Variants in RSBN1 observed in about 807,000 individuals in gnomAD.
RSBN1 encodes round spermatid basic protein 1.
A neutral mutation model predicts 74.8 loss-of-function variants in RSBN1; 23 were observed. The ratio of observed to expected loss-of-function variants is 0.31; its 90% CI spans 0.22 to 0.44. The LOEUF (loss-of-function observed/expected upper bound fraction) is 0.44, where lower values mean the gene tolerates loss of function less well. RSBN1 is among the 20% of genes least tolerant of loss of function. The probability of loss-of-function intolerance (pLI) is 1.00; values close to 1 mark genes in which losing one functional copy is unlikely to be tolerated. For synonymous variants in RSBN1, 407 were observed against 379.6 expected (o/e 1.07, Z -0.84); for missense variants, 808 against 1,020.9 (o/e 0.79, Z 2.84).
intron 4 of RSBN1, among the ~76,000 whole-genome samples, 164 bp from the exon 5 acceptor site, chr1:113,768,553 CTATAT>C (rs1659829639): frequency 6.6e-6 from 1 of 152,072 alleles, no homozygotes; most frequent in African/African-American, 2.4e-5. Context: ...ATTTAACACA[CTATAT>C]TATAATGCTT....
At chr1:113,769,435 T>C (rs761569877) in intron 4 of RSBN1, among the ~76,000 whole-genome samples, 5 of 151,990 alleles carry the variant, frequency 3.3e-5, no homozygotes, top group Non-Finnish European at 5.9e-5. Context: ...AAACCAATAA[T>C]AGGGGAAGTG....
Position 113,811,945 on chromosome 1 carries a change from G to A in RSBN1, c.468C>T (p.Pro156=), listed in dbSNP as rs1326014111. ...GGGCCGGGAGAGGGGCAGCGACAGC[G>A]GGCCCGGCGGGTGCCAGCGAAGGTG... The part of the protein sequence containing the change: ...PPPPSLAPAG[P]AVAAPLPAPS... The change falls in exon 1 of 7, where the codon CCC becomes CCT. Residue 156 remains proline, a synonymous_variant. Coordinates refer to ENST00000261441, the MANE Select transcript of RSBN1 (RefSeq NM_018364.5). 4 of 1,591,818 alleles carry A rather than the reference G, an allele frequency of 2.5e-6. No homozygotes were observed. Among genetic ancestry groups the A allele is most frequent in the Non-Finnish European group, 3.4e-6 (4 of 1,168,570 alleles).
intron 1 of RSBN1, among the ~76,000 whole-genome samples, chr1:113,804,200 C>T (rs1199633910): frequency 6.6e-6 from 1 of 152,010 alleles, no homozygotes; most frequent in Non-Finnish European, 1.5e-5. Flanking sequence ...ACTATAAGGC[C>T]CTCATCACAA....
At chr1:113,769,277 T>C (rs1659843065) in intron 4 of RSBN1, among the ~76,000 whole-genome samples, 1 of 152,210 alleles carries the variant, frequency 6.6e-6, no homozygotes, top group Admixed American at 6.5e-5. Context: ...TTAAACTTTC[T>C]CTGTTGCAGT....
At chr1:113,800,801 A>G (rs1660568648) in intron 1 of RSBN1, among the ~76,000 whole-genome samples, 1 of 152,062 alleles carries the variant, frequency 6.6e-6, no homozygotes, top group Non-Finnish European at 1.5e-5. Context: ...ATTCACTTAT[A>G]TGAAAACCAT....
At chr1:113,777,103 T>C (rs1660048201) in intron 4 of RSBN1, 107 bp downstream of exon 4, 1 of 984,224 alleles carries the variant, frequency 1.0e-6, no homozygotes, top group Non-Finnish European at 1.5e-6. Flanking sequence ...AACTAAAACA[T>C]TTACTTAAGG....
At chr1:113,776,912 A>G (rs1479606687) in intron 4 of RSBN1, among the ~76,000 whole-genome samples, 2 of 152,152 alleles carry the variant, frequency 1.3e-5, no homozygotes, top group Admixed American at 1.3e-4. Context: ...AAACACAGAT[A>G]CATCTAGAAG....
intron 1 of RSBN1, among the ~76,000 whole-genome samples, chr1:113,802,845 A>C (rs1660612862): frequency 6.6e-6 from 1 of 152,142 alleles, no homozygotes; most frequent in Non-Finnish European, 1.5e-5. Flanking sequence ...ACATTGATGC[A>C]TCATTATTCG....
intron 2 of RSBN1, among the ~76,000 whole-genome samples, chr1:113,790,390 A>T (rs146958949): frequency 0.012 from 1,848 of 152,306 alleles, 48 homozygotes; most frequent in African/African-American, 0.043. Context: ...AAACCTTAGC[A>T]GGCTAAGGGA....
chr1:113,809,290 T>TA (rs2101830535), intron 1 of RSBN1, among the ~76,000 whole-genome samples: 1 of 152,272 alleles, frequency 6.6e-6, no homozygotes, highest in South Asian at 2.1e-4. Context: ...ATAAATGAAA[T>TA]ACCACAACCC....
At chr1:113,789,005 T>C (rs1461889919) in intron 2 of RSBN1, among the ~76,000 whole-genome samples, 1 of 152,142 alleles carries the variant, frequency 6.6e-6, no homozygotes, top group Non-Finnish European at 1.5e-5. Context: ...GCAATATGTA[T>C]CTGGTCTTCA....
chr1:113,774,821 C>G (rs147435549), intron 4 of RSBN1, among the ~76,000 whole-genome samples: 1 of 152,146 alleles, frequency 6.6e-6, no homozygotes, highest in Non-Finnish European at 1.5e-5. Context: ...TGCCACTGCA[C>G]TCCAGCCTAG....
intron 2 of RSBN1, among the ~76,000 whole-genome samples, chr1:113,779,331 T>C (rs1660091500): frequency 6.6e-6 from 1 of 152,202 alleles, no homozygotes; most frequent in African/African-American, 2.4e-5. Context: ...TTTTTTTCCA[T>C]AGACAATTTA....
At chr1:113,776,898 G>T (rs976104537) in intron 4 of RSBN1, among the ~76,000 whole-genome samples, 1 of 151,734 alleles carries the variant, frequency 6.6e-6, no homozygotes. Flanking sequence ...GGCCGGAGAA[G>T]ACTAAACACA....
Position 113,777,674 on chromosome 1 carries a change from C to A in RSBN1, c.1512G>T (p.Leu504=). Residue 504 remains leucine, a synonymous_variant, in exon 3 of 7, where the codon CTG becomes CTT. Transcript: ENST00000261441. ...FLDMLEESPF[L]KMTLPWGTLS... is the part of the protein sequence containing the mutation. ...AATAATCTTAATTAACACTCACTTTCAGAAATGGTGATTCTTCTAACATAT... is the reference window on the plus strand; with the variant it reads ...AATAATCTTAATTAACACTCACTTTAAGAAATGGTGATTCTTCTAACATAT... The A allele has an allele frequency of 6.2e-7, 1 of 1,608,396 alleles. No homozygotes were observed. The highest frequency in any genetic ancestry group is 1.1e-5 in the South Asian group (1 of 89,982).
intron 2 of RSBN1, among the ~76,000 whole-genome samples, chr1:113,780,528 T>G (rs546950767): frequency 6.6e-6 from 1 of 152,220 alleles, no homozygotes; most frequent in African/African-American, 2.4e-5. Context: ...GAATAAAAAG[T>G]AAACCTAAAA....
Position 113,811,841 on chromosome 1 carries a change from C to A in RSBN1, c.572G>T (p.Arg191Leu). Residue 191 changes from arginine (R) to leucine (L), a missense_variant, in exon 1 of 7, where the codon CGG becomes CTG. By Grantham distance (102) the Arg-to-Leu change is moderately radical. This residue lies in a region of RSBN1 where 464 missense variants were observed against 401.0 expected (regional missense o/e 1.16). Coordinates refer to ENST00000261441, the MANE Select transcript of RSBN1 (RefSeq NM_018364.5). ...GCCGCGGTGGTGATGGTGCTTGTGC[C>A]GCTCCTTGTGGCCCTTATGCTTGGG... is the stretch of plus-strand genomic sequence containing the variant. Reference protein sequence around the residue: ...AGPKHKGHKERHKHHHHRGPD... With the variant: ...AGPKHKGHKELHKHHHHRGPD... The A allele has an allele frequency of 6.2e-7, 1 of 1,613,668 alleles. No homozygotes were observed. The highest frequency in any genetic ancestry group is 8.5e-7 in the Non-Finnish European group (1 of 1,179,946).
chr1:113,798,355 T>C (rs1660514279), intron 1 of RSBN1, among the ~76,000 whole-genome samples: 1 of 152,180 alleles, frequency 6.6e-6, no homozygotes, highest in Non-Finnish European at 1.5e-5. Flanking sequence ...TGAAACATTA[T>C]ACGATAGCTA....
intron 2 of RSBN1, among the ~76,000 whole-genome samples, chr1:113,783,915 T>C (rs927999549): frequency 2.6e-5 from 4 of 152,206 alleles, no homozygotes; most frequent in African/African-American, 7.2e-5. Context: ...CTCATTGTTA[T>C]GGTTTTTTAG....
Sources: allele counts gnomAD v4.1 joint callset (sites outside exome capture counted in the v4.1 genomes callset), GRCh38; gene constraint gnomAD v4.1.1; regional missense constraint gnomAD v4.1.1; transcripts MANE v1.5; gene names NCBI Gene and HGNC (gene_info 2026-07-23, HGNC 2026-07-21).